MBOAT1: variants seen among roughly 807,000 people sequenced by gnomAD.
MBOAT1 encodes the protein membrane-bound glycerophospholipid O-acyltransferase 1.
A neutral mutation model predicts 64.4 loss-of-function variants in MBOAT1; 67 were observed. The ratio of observed to expected loss-of-function variants is 1.04; its 90% CI spans 0.85 to 1.27. The LOEUF (loss-of-function observed/expected upper bound fraction) is 1.27, where lower values mean the gene tolerates loss of function less well. Ranked by LOEUF, MBOAT1 falls within the 50% of genes most tolerant of loss-of-function variation. MBOAT1 has a pLI of 0.00. For missense variants in MBOAT1, 563 were observed against 604.6 expected, an observed-to-expected ratio of 0.93 and a Z score of 0.72; for synonymous variants, 229 against 218.9, an observed-to-expected ratio of 1.05 and a Z score of -0.41.
chr6:20,137,789 T>C (rs1297131140), intron 4 of MBOAT1, among the ~76,000 whole-genome samples: 1 of 152,164 alleles, frequency 6.6e-6, no homozygotes, highest in Non-Finnish European at 1.5e-5. Context: ...ATCCAATTCC[T>C]GTCTGTGCTC....
chr6:20,151,172 C>A lies in MBOAT1; in HGVS notation c.323+13G>T, dbSNP rs1439935692. ...AAAATCTCACCTTGCATTGTTCATT[C>A]CCAGTATCTTACCTGTGAATATTGG... is the stretch of plus-strand genomic sequence containing the variant. On this transcript the variant is annotated intron_variant, in intron 3 of 12. Coordinates refer to ENST00000324607, the MANE Select transcript of MBOAT1 (RefSeq NM_001080480.3). 6.3e-7 allele frequency: 1 copy of A among 1,583,574 alleles called. No homozygotes were observed. The highest frequency in any genetic ancestry group is 2.2e-5 in the East Asian group (1 of 44,640).
intron 1 of MBOAT1, among the ~76,000 whole-genome samples, chr6:20,155,549 G>T (rs1241267875): frequency 6.6e-6 from 1 of 152,148 alleles, no homozygotes; most frequent in Non-Finnish European, 1.5e-5. Flanking sequence ...TCTCTTCCAG[G>T]TCTAATGGTC....
At position 20,102,200 on chromosome 6, in the gene MBOAT1, T is replaced by C; in HGVS notation, c.*86A>G. 1 of 1,332,508 alleles carries C rather than the reference T, an allele frequency of 7.5e-7. No homozygotes were observed. Among genetic ancestry groups the C allele is most frequent in the Non-Finnish European group, 1.0e-6 (1 of 986,492 alleles). 82.5% of individuals were successfully genotyped at this position (1,332,508 alleles called of 1,614,324 possible). On this transcript the variant is annotated 3_prime_UTR_variant, in exon 13 of 13. Coordinates refer to ENST00000324607, the MANE Select transcript of MBOAT1 (RefSeq NM_001080480.3). ...TAAAGATGCATGTAAACATCGCCTC[T>C]AAGCCACCGGAGGAGCCCTTGAAGC...
chr6:20,210,470 A>G (rs888412736), intron 1 of MBOAT1, among the ~76,000 whole-genome samples: 1 of 152,156 alleles, frequency 6.6e-6, no homozygotes, highest in Non-Finnish European at 1.5e-5. Flanking sequence ...ACCAAGGGTC[A>G]TCCACACTCA....
At chr6:20,172,762 A>T (rs184973871) in intron 1 of MBOAT1, among the ~76,000 whole-genome samples, 1 of 152,352 alleles carries the variant, frequency 6.6e-6, no homozygotes, top group Non-Finnish European at 1.5e-5. Flanking sequence ...ATATTTAATA[A>T]ATGTTTCAAC....
chr6:20,192,802 C>T (rs933848444), intron 1 of MBOAT1, among the ~76,000 whole-genome samples: 1 of 151,856 alleles, frequency 6.6e-6, no homozygotes, highest in African/African-American at 2.4e-5. Flanking sequence ...AATATTTTGC[C>T]CAAGGTCACA....
intron 1 of MBOAT1, among the ~76,000 whole-genome samples, chr6:20,180,538 G>T (rs918258912): frequency 2.0e-5 from 3 of 152,136 alleles, no homozygotes; most frequent in African/African-American, 7.2e-5. Context: ...AAACACCACA[G>T]CTCTGTGTCA....
In MBOAT1 at chr6:20,111,006, A is replaced by C. The variant is rs114048589; in HGVS notation, c.1210-1257T>G. Among the ~76,000 whole-genome samples the C allele has an allele frequency of 7.9e-3, 1,206 of 152,310 alleles. 8 individuals carry two copies. The highest frequency in any genetic ancestry group is 0.028 in the African/African-American group (1,144 of 41,568). ...GCTTACTCTGTGCCAAGCCTGTGCT[A>C]ATGATTTGCATGGCTCATCTCTGGT... On this transcript the variant is annotated intron_variant, in intron 11 of 12. Transcript: ENST00000324607.
chr6:20,164,336 A>G (rs571067782), intron 1 of MBOAT1, among the ~76,000 whole-genome samples: 2 of 152,226 alleles, frequency 1.3e-5, no homozygotes, highest in South Asian at 4.1e-4. Flanking sequence ...TTACAAGGTT[A>G]AGTGGGTATG....
chr6:20,128,625 TA>T, intron 6 of MBOAT1, 73 bp downstream of exon 6: 1 of 1,059,256 alleles, frequency 9.4e-7, no homozygotes, highest in Non-Finnish European at 1.4e-6. Context: ...AATGTGTAGA[TA>T]TTTTTAAATG....
chr6:20,161,691 G>A (rs985755194), intron 1 of MBOAT1, among the ~76,000 whole-genome samples: 3 of 152,188 alleles, frequency 2.0e-5, no homozygotes, highest in Admixed American at 6.5e-5. Flanking sequence ...AGTGCATGGA[G>A]CAAGTCACAA....
At chr6:20,124,152 C>G (rs1760581648) in intron 8 of MBOAT1, among the ~76,000 whole-genome samples, 1 of 152,138 alleles carries the variant, frequency 6.6e-6, no homozygotes, top group African/African-American at 2.4e-5. Context: ...GAGAAGCTTC[C>G]AAGTTTTGAC....
At chr6:20,109,794 C>G in intron 11 of MBOAT1, 45 bp from the exon 12 acceptor site, 1 of 1,559,064 alleles carries the variant, frequency 6.4e-7, no homozygotes, top group South Asian at 1.1e-5. Context: ...GGGTGAAAAA[C>G]AAATAACAAC....
intron 8 of MBOAT1, among the ~76,000 whole-genome samples, chr6:20,122,444 C>T (rs1760520834): frequency 6.6e-6 from 1 of 152,136 alleles, no homozygotes. Flanking sequence ...GGAGAGTCAA[C>T]GTCCTACCTT....
chr6:20,184,570 T>C (rs1292162178), intron 1 of MBOAT1, among the ~76,000 whole-genome samples: 1 of 152,042 alleles, frequency 6.6e-6, no homozygotes, highest in African/African-American at 2.4e-5. Context: ...AATTTTGTGG[T>C]GAGCAGTTAG....
At position 20,171,919 on chromosome 6, in the gene MBOAT1, G is replaced by A. The variant is rs80250112; in HGVS notation, c.100-19150C>T. On this transcript the variant is annotated intron_variant, in intron 1 of 12. Coordinates refer to ENST00000324607, the MANE Select transcript of MBOAT1 (RefSeq NM_001080480.3). ...TGTGGTGCGCTCACCTGTAGTCCCAGCTACTTGGGAAGCTGAGGCAAGAGG... is the reference window on the plus strand; with the variant it reads ...TGTGGTGCGCTCACCTGTAGTCCCAACTACTTGGGAAGCTGAGGCAAGAGG... 5.7e-3 allele frequency among the ~76,000 whole-genome samples: 872 copies of A among 152,106 alleles called. 11 individuals are homozygous for A. The highest frequency in any genetic ancestry group is 0.019 in the African/African-American group (773 of 41,496).
chr6:20,209,853 G>C (rs1763371155), intron 1 of MBOAT1, among the ~76,000 whole-genome samples: 1 of 152,164 alleles, frequency 6.6e-6, no homozygotes, highest in Non-Finnish European at 1.5e-5. Context: ...ACTGTGAAGA[G>C]ATGGAAGGGC....
chr6:20,197,111 T>G (rs1479735853), intron 1 of MBOAT1, among the ~76,000 whole-genome samples: 1 of 90,988 alleles, frequency 1.1e-5, no homozygotes, highest in Non-Finnish European at 2.5e-5. Flanking sequence ...CTCCATACTA[T>G]CTTTACAAAT....
At chr6:20,173,722 G>A (rs1206688566) in intron 1 of MBOAT1, among the ~76,000 whole-genome samples, 3 of 151,966 alleles carry the variant, frequency 2.0e-5, no homozygotes, top group East Asian at 3.9e-4. Flanking sequence ...AGGCCGAGGC[G>A]GGTGGATCAC....
Sources: allele counts gnomAD v4.1 joint callset (sites outside exome capture counted in the v4.1 genomes callset), GRCh38; gene constraint gnomAD v4.1.1; transcripts MANE v1.5; gene names NCBI Gene and HGNC (gene_info 2026-07-23, HGNC 2026-07-21).